Variants in CIT observed in about 807,000 individuals in gnomAD.
CIT encodes citron Rho-interacting kinase.
A neutral mutation model predicts 272.7 loss-of-function variants in CIT; 79 were observed. That is an observed-to-expected ratio of 0.29 (90% CI 0.24 to 0.35). The LOEUF is 0.35. Ranked by LOEUF, CIT falls within the 10% of genes least tolerant of loss-of-function variation. The probability of loss-of-function intolerance (pLI) is 1.00; values close to 1 mark genes in which losing one functional copy is unlikely to be tolerated. For missense variants in CIT, 1,909 were observed against 2,618.3 expected, an observed-to-expected ratio of 0.73 and a Z score of 5.91; for synonymous variants, 948 against 995.6, an observed-to-expected ratio of 0.95 and a Z score of 0.90.
intron 10 of CIT, among the ~76,000 whole-genome samples, chr12:119,797,195 A>C (rs1046423835): frequency 1.3e-5 from 2 of 152,330 alleles, no homozygotes; most frequent in Non-Finnish European, 2.9e-5. Context: ...GCAAATTAGC[A>C]TGTGTAGGCC....
chr12:119,822,293 A>G (rs1967787233), intron 9 of CIT, among the ~76,000 whole-genome samples: 1 of 152,262 alleles, frequency 6.6e-6, no homozygotes, highest in African/African-American at 2.4e-5. Context: ...TGATTATAAA[A>G]AGTGATGTAT....
At chr12:119,831,155 G>A (rs80188858) in intron 7 of CIT, among the ~76,000 whole-genome samples, 8,169 of 152,150 alleles carry the variant, frequency 0.054, 680 homozygotes, top group African/African-American at 0.19. Flanking sequence ...ACTACACCCG[G>A]CCCATATAAA....
At chr12:119,708,556 G>C (rs1956994921) in intron 39 of CIT, among the ~76,000 whole-genome samples, 1 of 151,988 alleles carries the variant, frequency 6.6e-6, no homozygotes, top group South Asian at 2.1e-4. Flanking sequence ...TACAATCTCG[G>C]CTCACTAAAA....
intron 13 of CIT, among the ~76,000 whole-genome samples, chr12:119,777,835 T>TG (rs1467715485): frequency 2.0e-5 from 3 of 152,120 alleles, no homozygotes; most frequent in Admixed American, 2.0e-4. Context: ...AAGGATAAAC[T>TG]GCTTACATGT....
chr12:119,794,663 A>G (rs203352), intron 10 of CIT, among the ~76,000 whole-genome samples: 87,108 of 152,060 alleles, frequency 0.57, 25,852 homozygotes, highest in African/African-American at 0.71. Flanking sequence ...GTAAAAAATT[A>G]GATGGAGATA....
intron 23 of CIT, among the ~76,000 whole-genome samples, chr12:119,750,914 C>T (rs1017229666): frequency 2.6e-5 from 4 of 151,834 alleles, no homozygotes; most frequent in Admixed American, 6.6e-5. Context: ...TGTTCACTGA[C>T]GGAAATGGGG....
At chr12:119,693,580 T>C (rs1190287387) in intron 46 of CIT, among the ~76,000 whole-genome samples, 1 of 152,242 alleles carries the variant, frequency 6.6e-6, no homozygotes, top group Admixed American at 6.5e-5. Flanking sequence ...TATTTCAATG[T>C]GTTTCTGGCA....
intron 19 of CIT, among the ~76,000 whole-genome samples, chr12:119,763,339 G>A (rs1383998118): frequency 1.6e-4 from 1 of 6,202 alleles, no homozygotes; most frequent in Admixed American, 2.0e-3. Flanking sequence ...TCCCACCTCA[G>A]GCTCCCAAGC....
In CIT at chr12:119,804,205, C is replaced by T; in HGVS notation, c.1112-816G>A. On this transcript the variant is annotated intron_variant, in intron 9 of 47. Transcript: ENST00000392521. The surrounding 1 kb of genome is among the most constrained non-coding windows in gnomAD (Gnocchi z 5.3). ...CCCGGCTGGGGGCGTGTTACATCCTCTCCACTTCCTCCGACCTACTAAGCG... is the reference window on the plus strand; with the variant it reads ...CCCGGCTGGGGGCGTGTTACATCCTTTCCACTTCCTCCGACCTACTAAGCG... 1 of 985,532 alleles carries T rather than the reference C, an allele frequency of 1.0e-6. No homozygotes were observed. The highest frequency in any genetic ancestry group is 1.2e-6 in the Non-Finnish European group (1 of 830,036). 61.0% of individuals were successfully genotyped at this position (985,532 alleles called of 1,614,324 possible).
chr12:119,795,698 T>C (rs925585315), intron 10 of CIT, among the ~76,000 whole-genome samples: 5 of 152,192 alleles, frequency 3.3e-5, no homozygotes, highest in African/African-American at 7.2e-5. Flanking sequence ...GGCAACCAGA[T>C]ATTGCTCCAA....
At chr12:119,795,566 G>A (rs1965664833) in intron 10 of CIT, among the ~76,000 whole-genome samples, 1 of 152,136 alleles carries the variant, frequency 6.6e-6, no homozygotes, top group Non-Finnish European at 1.5e-5. Context: ...ATAGTACCTA[G>A]AAGAGTAGAT....
At chr12:119,709,762 AAGAG>A (rs764752861) in intron 39 of CIT, among the ~76,000 whole-genome samples, 1 of 120,498 alleles carries the variant, frequency 8.3e-6, no homozygotes, top group Non-Finnish European at 1.7e-5. Flanking sequence ...TGGTTCAGGA[AAGAG>A]AGAGAGAGAG....
At chr12:119,714,049 G>A (rs1957315548) in intron 33 of CIT, 148 bp downstream of exon 33, 3 of 877,540 alleles carry the variant, frequency 3.4e-6, no homozygotes, top group Non-Finnish European at 5.1e-6. Context: ...GCTTCAACAG[G>A]GGAAAAATAG....
chr12:119,805,037 T>A (rs533901992), intron 9 of CIT, among the ~76,000 whole-genome samples: 1 of 151,790 alleles, frequency 6.6e-6, no homozygotes, highest in South Asian at 2.1e-4. Flanking sequence ...CAGGCTCAAA[T>A]CCAATCTGGT....
chr12:119,784,253 T>G lies in CIT; in HGVS notation c.1402-202A>C. The G allele has an allele frequency of 6.3e-7, 1 of 1,585,914 alleles. No homozygotes were observed. Among genetic ancestry groups the G allele is most frequent in the Non-Finnish European group, 8.6e-7 (1 of 1,163,018 alleles). On this transcript the variant is annotated intron_variant, in intron 11 of 47. Transcript: ENST00000392521. This position sits in a 1 kb window ranked among gnomAD's most constrained non-coding sequence, Gnocchi z 4.7. ...GGACAGTCACCAAATGCTAAGTCAC[T>G]CCTCTCATTCAAGTCCCGGTTCACA...
At chr12:119,872,516 T>A (rs1282579220) in intron 2 of CIT, among the ~76,000 whole-genome samples, 1 of 152,248 alleles carries the variant, frequency 6.6e-6, no homozygotes. Flanking sequence ...GTATATACTA[T>A]ACTTGCAATA....
At chr12:119,745,696 T>A (rs888797016) in intron 23 of CIT, among the ~76,000 whole-genome samples, 4 of 152,058 alleles carry the variant, frequency 2.6e-5, no homozygotes, top group Admixed American at 1.3e-4. Flanking sequence ...AAAAGATAAA[T>A]GTTTGAGGTG....
chr12:119,834,069 A>G lies in CIT; in HGVS notation c.659+17T>C. ...GGAAAATCCTCAGCATAAAAATGCT[A>G]CCAGAGTCTCACTTACCGATGCACG... On this transcript the variant is annotated intron_variant, in intron 6 of 47. Coordinates refer to ENST00000392521, the MANE Select transcript of CIT (RefSeq NM_001206999.2). 1 of 1,594,594 alleles carries G rather than the reference A, an allele frequency of 6.3e-7. No homozygotes were observed. The highest frequency in any genetic ancestry group is 8.5e-7 in the Non-Finnish European group (1 of 1,172,796).
chr12:119,718,256 G>A lies in CIT; in HGVS notation c.4157C>T (p.Ser1386Leu), dbSNP rs765195026. The A allele has an allele frequency of 6.2e-7, 1 of 1,613,042 alleles. No homozygotes were observed. Among genetic ancestry groups the A allele is most frequent in the South Asian group, 1.1e-5 (1 of 90,988 alleles). Reference sequence around the variant, plus strand: ...CAACTCCAACGTACCCTCTGGAGTTGAAGACTCCTTTCTGCGGCTGGATGG... The same window carrying A: ...CAACTCCAACGTACCCTCTGGAGTTAAAGACTCCTTTCTGCGGCTGGATGG... ...APPSSRRKESSTPEEFSRRLK... is the reference protein window; with the variant it reads ...APPSSRRKESLTPEEFSRRLK... The change falls in exon 32 of 48, where the codon TCA becomes TTA. Residue 1386 changes from serine to leucine, a missense_variant. Ser to Leu is a moderately radical substitution (Grantham distance 145). Coordinates refer to ENST00000392521, the MANE Select transcript of CIT (RefSeq NM_001206999.2). This position sits in a 1 kb window ranked among gnomAD's most constrained non-coding sequence, Gnocchi z 4.8.
Sources: gnomAD v4.1 joint callset for allele counts (sites outside exome capture counted in the v4.1 genomes callset) on GRCh38, gnomAD v4.1.1 for gene constraint, Gnocchi (gnomAD v3.1) non-coding constraint, MANE v1.5 for transcripts, NCBI Gene and HGNC (gene_info 2026-07-23, HGNC 2026-07-21) for gene names.